UBE2K: variants seen among roughly 807,000 people sequenced by gnomAD.
UBE2K encodes ubiquitin conjugating enzyme E2 K.
A neutral mutation model predicts 30.0 loss-of-function variants in UBE2K; 6 were observed. The ratio of observed to expected loss-of-function variants is 0.20; its 90% CI spans 0.11 to 0.39. The LOEUF (loss-of-function observed/expected upper bound fraction) is 0.39, where lower values mean the gene tolerates loss of function less well. UBE2K is among the 10% of genes least tolerant of loss of function. UBE2K has a pLI of 1.00. For synonymous variants in UBE2K, 86 were observed against 83.7 expected, an observed-to-expected ratio of 1.03 and a Z score of -0.15; for missense variants, 61 against 241.6, an observed-to-expected ratio of 0.25 and a Z score of 4.96.
At chr4:39,702,541 A>C (rs1390609507) in intron 1 of UBE2K, among the ~76,000 whole-genome samples, 2 of 152,072 alleles carry the variant, frequency 1.3e-5, no homozygotes, top group East Asian at 3.9e-4. Context: ...GGAGTGAGCT[A>C]CTGCACCTGG....
At chr4:39,765,513 G>T (rs116861465) in intron 4 of UBE2K, among the ~76,000 whole-genome samples, 1 of 151,990 alleles carries the variant, frequency 6.6e-6, no homozygotes, top group South Asian at 2.1e-4. Flanking sequence ...CTAAGTGACC[G>T]TGAGACCCTG....
At chr4:39,719,896 A>G (rs542728251) in intron 1 of UBE2K, among the ~76,000 whole-genome samples, 18 of 152,216 alleles carry the variant, frequency 1.2e-4, no homozygotes, top group Non-Finnish European at 2.6e-4. Flanking sequence ...TTGAGTGTAT[A>G]TCTCTGAAAG....
intron 4 of UBE2K, chr4:39,771,443 G>T: frequency 6.3e-7 from 1 of 1,585,592 alleles, no homozygotes. Flanking sequence ...CCATTGTGGC[G>T]GGGGTGGGCA....
intron 1 of UBE2K, among the ~76,000 whole-genome samples, chr4:39,735,966 G>A (rs1224931489): frequency 3.3e-5 from 5 of 151,658 alleles, no homozygotes; most frequent in South Asian, 4.1e-4. Context: ...TGAACTAAAC[G>A]TTCTGTACTA....
intron 1 of UBE2K, among the ~76,000 whole-genome samples, chr4:39,728,680 C>T (rs1719888982): frequency 6.6e-6 from 1 of 151,736 alleles, no homozygotes; most frequent in African/African-American, 2.4e-5. Context: ...CTCTGTCCCC[C>T]AGGTGGGGAG....
At chr4:39,740,214 G>A (rs1720618175) in intron 2 of UBE2K, among the ~76,000 whole-genome samples, 1 of 151,948 alleles carries the variant, frequency 6.6e-6, no homozygotes, top group African/African-American at 2.4e-5. Flanking sequence ...TTGGAAGATA[G>A]TAGGGCAGTG....
intron 5 of UBE2K, 71 bp downstream of exon 5, chr4:39,775,004 A>G (rs893545364): frequency 1.3e-5 from 12 of 940,540 alleles, no homozygotes; most frequent in Non-Finnish European, 1.9e-5. Context: ...TGGTTTGCAC[A>G]TTAACACATG....
intron 3 of UBE2K, among the ~76,000 whole-genome samples, chr4:39,754,130 C>T (rs576546307): frequency 8.5e-5 from 13 of 152,226 alleles, no homozygotes; most frequent in Non-Finnish European, 1.9e-4. Flanking sequence ...TTTTAAAGGG[C>T]TCTCTTTAGT....
intron 1 of UBE2K, among the ~76,000 whole-genome samples, chr4:39,735,391 G>A (rs565614334): frequency 6.6e-6 from 1 of 151,534 alleles, no homozygotes; most frequent in Non-Finnish European, 1.5e-5. Flanking sequence ...TGTGTTTTTG[G>A]TTTTTTTGAG....
Position 39,779,243 on chromosome 4 carries a change from T to C in UBE2K, c.*809T>C, listed in dbSNP as rs1157195336. The C allele has an allele frequency of 6.6e-6, 1 of 152,222 alleles. No individual in the cohort carries two copies. Among genetic ancestry groups the C allele is most frequent in the East Asian group, 1.9e-4 (1 of 5,204 alleles). The allele number at this position is 152,222 out of a possible 1,614,324, so 9.4% of individuals were successfully genotyped here. On this transcript the variant is annotated 3_prime_UTR_variant, in exon 7 of 7. Transcript: ENST00000261427. ...TAAAAATGGAACTGCCAATTTTATT[T>C]CTCTTGCAAAAATAGTAAATACTTG...
At chr4:39,743,279 C>A (rs1030621789) in intron 2 of UBE2K, among the ~76,000 whole-genome samples, 7 of 151,958 alleles carry the variant, frequency 4.6e-5, no homozygotes, top group Admixed American at 4.6e-4. Context: ...TTTTATTTTA[C>A]TTTTTATTAC....
rs1713643807 is a variant in UBE2K, at chr4:39,782,043, A to T, written c.*3609A>T. ...ATATAGATCAAAGATCTTGTGGCAT[A>T]GGGGTAGGGGAGTGTTAGTATCTCC... On this transcript the variant is annotated 3_prime_UTR_variant, in exon 7 of 7. Transcript: ENST00000261427. 1.0e-5 allele frequency: 4 copies of T among 398,014 alleles called. No homozygotes were observed. The highest frequency in any genetic ancestry group is 2.1e-5 in the African/African-American group (1 of 48,626). 24.7% of individuals were successfully genotyped at this position (398,014 alleles called of 1,614,324 possible).
intron 1 of UBE2K, among the ~76,000 whole-genome samples, chr4:39,731,358 A>G (rs935140390): frequency 4.6e-5 from 7 of 151,956 alleles, no homozygotes; most frequent in Non-Finnish European, 2.9e-5. Context: ...CTTTGTTTTC[A>G]TGTCACTTCT....
intron 4 of UBE2K, among the ~76,000 whole-genome samples, chr4:39,764,365 C>A (rs1346858674): frequency 6.6e-6 from 1 of 151,324 alleles, no homozygotes; most frequent in Non-Finnish European, 1.5e-5. Flanking sequence ...TGAATTGTAT[C>A]TAAATTTGCA....
intron 1 of UBE2K, among the ~76,000 whole-genome samples, chr4:39,704,558 T>G (rs193226751): frequency 6.6e-6 from 1 of 152,136 alleles, no homozygotes; most frequent in Non-Finnish European, 1.5e-5. Flanking sequence ...TTATTTATTT[T>G]TGAAACAGAG....
intron 2 of UBE2K, among the ~76,000 whole-genome samples, chr4:39,739,828 A>G (rs1284911549): frequency 1.3e-5 from 2 of 152,136 alleles, no homozygotes; most frequent in African/African-American, 2.4e-5. Flanking sequence ...GCCTAAAACA[A>G]TCCTCTTGCC....
rs186164708 is a variant in UBE2K, at chr4:39,742,695, C to T, written c.158-3057C>T. On this transcript the variant is annotated intron_variant, in intron 2 of 6. Transcript: ENST00000261427. ...GGTGAAGGTTGCAGTCAGCCGAGAT[C>T]GCACCATTGCACTCCAGTCTGGGCA... Among the ~76,000 whole-genome samples the T allele has an allele frequency of 1.1e-3, 161 of 152,184 alleles. 1 individual carries two copies. The highest frequency in any genetic ancestry group is 3.8e-3 in the African/African-American group (157 of 41,512).
At chr4:39,767,319 G>GTTTT (rs1288460792) in intron 4 of UBE2K, among the ~76,000 whole-genome samples, 1 of 148,290 alleles carries the variant, frequency 6.7e-6, no homozygotes, top group Non-Finnish European at 1.5e-5. Flanking sequence ...TTGTGTGTGT[G>GTTTT]TTTTGTTTGT....
intron 1 of UBE2K, chr4:39,714,544 A>ATTTTTTTTT (rs1337587267): frequency 0.053 from 1,103 of 20,856 alleles, 68 homozygotes; most frequent in Admixed American, 0.068. Flanking sequence ...ATATATATAT[A>ATTTTTTTTT]TATATATTTT....
Sources: gnomAD v4.1 joint callset for allele counts (sites outside exome capture counted in the v4.1 genomes callset) on GRCh38, gnomAD v4.1.1 for gene constraint, MANE v1.5 for transcripts, NCBI Gene and HGNC (gene_info 2026-07-23, HGNC 2026-07-21) for gene names.